SHLD1: variants seen among roughly 807,000 people sequenced by gnomAD.
SHLD1 encodes the protein shieldin complex subunit 1.
In SHLD1, 3 loss-of-function variants were observed where a neutral mutation model predicts 5.5. The ratio of observed to expected loss-of-function variants is 0.54; its 90% CI spans 0.25 to 1.40. The LOEUF is 1.40. SHLD1 is among the 40% of genes most tolerant of loss of function. SHLD1 has a pLI of 0.15. For missense variants in SHLD1, 210 were observed against 244.4 expected (o/e 0.86, Z 0.94); for synonymous variants, 92 against 94.3 (o/e 0.98, Z 0.14).
At chr20:5,810,573 ATTCT>A (rs1390015470) in intron 2 of SHLD1, among the ~76,000 whole-genome samples, 1 of 151,966 alleles carries the variant, frequency 6.6e-6, no homozygotes, top group Admixed American at 6.5e-5. Flanking sequence ...TGTTCCATTG[ATTCT>A]TTCTATTTCC....
At chr20:5,820,955 T>C (rs1242496895) in intron 2 of SHLD1, among the ~76,000 whole-genome samples, 1 of 152,228 alleles carries the variant, frequency 6.6e-6, no homozygotes, top group Non-Finnish European at 1.5e-5. Context: ...AGGAAGAGCC[T>C]GCTGGGAAGG....
At chr20:5,812,053 ACTT>A (rs2087465158) in intron 2 of SHLD1, among the ~76,000 whole-genome samples, 1 of 150,394 alleles carries the variant, frequency 6.6e-6, no homozygotes, top group African/African-American at 2.4e-5. Flanking sequence ...TAGTCTAGGA[ACTT>A]CTTTTTCTTT....
At chr20:5,758,634 T>G (rs148201415) in intron 1 of SHLD1, among the ~76,000 whole-genome samples, 2,034 of 152,176 alleles carry the variant, frequency 0.013, 20 homozygotes, top group African/African-American at 0.032. Flanking sequence ...TTGGTCAGGC[T>G]GGTCTCAAAC....
Position 5,792,727 on chromosome 20 carries a change from C to T in SHLD1, c.178+19684C>T, listed in dbSNP as rs183499439. ...CTTGGTCTGTTGCCCAGGCTGGAGT[C>T]CAGTGGCATGATCCCGGCTCACTGT... is the stretch of plus-strand genomic sequence containing the variant. On this transcript the variant is annotated intron_variant, in intron 2 of 2. Coordinates refer to ENST00000303142, the MANE Select transcript of SHLD1 (RefSeq NM_152504.4). Among the ~76,000 whole-genome samples the T allele has an allele frequency of 2.0e-5, 3 of 148,340 alleles. No homozygotes were observed. In the Admixed American group the frequency reaches 2.0e-4, roughly 10 times the overall value.
At chr20:5,764,041 T>C (rs1252199080) in intron 1 of SHLD1, among the ~76,000 whole-genome samples, 1 of 145,916 alleles carries the variant, frequency 6.9e-6, no homozygotes, top group Non-Finnish European at 1.5e-5. Context: ...GCAGGATAAT[T>C]GCTTAAACCC....
intron 2 of SHLD1, among the ~76,000 whole-genome samples, chr20:5,835,561 G>A (rs1471466172): frequency 6.6e-6 from 1 of 152,162 alleles, no homozygotes; most frequent in Non-Finnish European, 1.5e-5. Context: ...CGTCCCCAGG[G>A]AGCACCAGGT....
chr20:5,773,300 T>C (rs1201156650), intron 2 of SHLD1: 4 of 612,388 alleles, frequency 6.5e-6, no homozygotes, highest in Non-Finnish European at 1.2e-5. Flanking sequence ...CTTTCTAATC[T>C]CCCTCAAAAT....
chr20:5,755,111 G>A (rs964625348), intron 1 of SHLD1, among the ~76,000 whole-genome samples: 4 of 151,972 alleles, frequency 2.6e-5, no homozygotes, highest in Non-Finnish European at 5.9e-5. Context: ...GTTTGTGGGA[G>A]CCAAGGTTCT....
At chr20:5,833,057 A>G (rs543090985) in intron 2 of SHLD1, among the ~76,000 whole-genome samples, 1 of 151,944 alleles carries the variant, frequency 6.6e-6, no homozygotes, top group South Asian at 2.1e-4. Flanking sequence ...CCTGACCTGG[A>G]GCTCCTGGGC....
At chr20:5,823,511 G>C (rs931261088) in intron 2 of SHLD1, among the ~76,000 whole-genome samples, 1 of 150,746 alleles carries the variant, frequency 6.6e-6, no homozygotes, top group South Asian at 2.1e-4. Context: ...GTAATGACGC[G>C]ATCTCAGCTC....
chr20:5,787,941 C>CT (rs1319906030), intron 2 of SHLD1, among the ~76,000 whole-genome samples: 3 of 152,076 alleles, frequency 2.0e-5, no homozygotes, highest in Non-Finnish European at 4.4e-5. Context: ...AAGCCCCTGG[C>CT]TTTTTTTCCT....
rs143478895 is a variant in SHLD1 at position 5,758,991 on chromosome 20, G to T, written c.-5+8512G>T. Among the ~76,000 whole-genome samples the T allele has an allele frequency of 3.1e-4, 38 of 123,620 alleles. No individual in the cohort carries two copies. In the East Asian group the frequency reaches 7.0e-3, roughly 23 times the overall value. The allele number at this position is 123,620 out of a possible 152,430, so 81.1% of individuals were successfully genotyped here. A position where few individuals can be genotyped will look rare whatever the true frequency, so the allele number is the denominator to read the frequency against. ...TTTTTCTGAGATGGAGTCTCGCACT[G>T]CCCACCGGGATAGAGTGCAATGGCG... On this transcript the variant is annotated intron_variant, in intron 1 of 2. Coordinates refer to ENST00000303142, the MANE Select transcript of SHLD1 (RefSeq NM_152504.4).
chr20:5,789,208 CT>C (rs10545298), intron 2 of SHLD1, among the ~76,000 whole-genome samples: 3,791 of 141,894 alleles, frequency 0.027, 76 homozygotes, highest in African/African-American at 0.069. Context: ...AAAAGTTGTG[CT>C]TTTTTTTTTT....
chr20:5,834,687 C>G (rs2087769415), intron 2 of SHLD1, among the ~76,000 whole-genome samples: 1 of 152,166 alleles, frequency 6.6e-6, no homozygotes, highest in Non-Finnish European at 1.5e-5. Context: ...TGATGTTTTT[C>G]ACCCTGTGTC....
rs969098542 is a variant in SHLD1, at chr20:5,771,780, G to A, written c.-4-1082G>A. ...CTTTTTCCTTCTTCACAATTTCACG[G>A]ATAGAAGATTCATTGTTACAGTAGA... is the stretch of plus-strand genomic sequence containing the variant. On this transcript the variant is annotated intron_variant, in intron 1 of 2. Transcript: ENST00000303142. The A allele has an allele frequency of 3.2e-5, 6 of 188,592 alleles. No homozygotes were observed. In the Admixed American group the frequency reaches 3.8e-4, roughly 12 times the overall value. The allele number at this position is 188,592 out of a possible 1,614,324, so 11.7% of individuals were successfully genotyped here.
chr20:5,860,685 T>G (rs983699559), intron 2 of SHLD1, among the ~76,000 whole-genome samples: 1 of 151,994 alleles, frequency 6.6e-6, no homozygotes, highest in African/African-American at 2.4e-5. Context: ...AACCTGGCAC[T>G]TCTGAAGAGT....
chr20:5,782,905 G>C (rs2087005836), intron 2 of SHLD1, among the ~76,000 whole-genome samples: 1 of 152,138 alleles, frequency 6.6e-6, no homozygotes, highest in African/African-American at 2.4e-5. Context: ...TTGATGTGTT[G>C]TTGTAGTTTT....
At chr20:5,776,487 G>A (rs1324475787) in intron 2 of SHLD1, among the ~76,000 whole-genome samples, 23 of 152,104 alleles carry the variant, frequency 1.5e-4, no homozygotes, top group Admixed American at 1.5e-3. Flanking sequence ...CTCTAGCTGG[G>A]CACAGTGGCT....
In SHLD1 at chr20:5,784,581, G is replaced by T. The variant is rs2087032016; in HGVS notation, c.178+11538G>T. On this transcript the variant is annotated intron_variant, in intron 2 of 2. Transcript: ENST00000303142. ...TTCTCCTGCCTCAGCCTCCCGAGTA[G>T]CTGGGACTACAGGCGCCCGCCACCA... Among the ~76,000 whole-genome samples, 3 of 152,046 alleles carry T rather than the reference G, an allele frequency of 2.0e-5. No homozygotes were observed. The South Asian group carries it at 6.2e-4, about 32-fold the overall frequency.
Sources: allele counts gnomAD v4.1 joint callset (sites outside exome capture counted in the v4.1 genomes callset), GRCh38; gene constraint gnomAD v4.1.1; transcripts MANE v1.5; gene names NCBI Gene and HGNC (gene_info 2026-07-23, HGNC 2026-07-21).